TTC39B: variants seen among roughly 807,000 people sequenced by gnomAD.
The protein encoded by TTC39B is tetratricopeptide repeat protein 39B.
In TTC39B, 92 loss-of-function variants were observed where a neutral mutation model predicts 96.6. The observed-to-expected ratio is 0.95, with a 90% CI of 0.80 to 1.13. TTC39B has a LOEUF of 1.13. Among genes scored for constraint, TTC39B ranks in the 50% most tolerant of loss-of-function variants. The pLI, the probability that TTC39B is intolerant of heterozygous loss-of-function variation, is 0.00. For synonymous variants in TTC39B, 367 were observed against 299.4 expected (o/e 1.23, Z -2.33); for missense variants, 955 against 809.3 (o/e 1.18, Z -2.18).
intron 1 of TTC39B, among the ~76,000 whole-genome samples, chr9:15,276,809 G>A (rs931647942): frequency 2.6e-5 from 4 of 152,138 alleles, no homozygotes; most frequent in Non-Finnish European, 4.4e-5. Context: ...GCCGCCCACT[G>A]GGATTGTAAG....
chr9:15,272,393 C>T (rs144669503), intron 1 of TTC39B, among the ~76,000 whole-genome samples: 5 of 152,278 alleles, frequency 3.3e-5, no homozygotes, highest in South Asian at 2.1e-4. Flanking sequence ...AGTTACAACA[C>T]GCACACTCAG....
intron 1 of TTC39B, among the ~76,000 whole-genome samples, chr9:15,301,867 T>C (rs1335717040): frequency 6.6e-6 from 1 of 152,134 alleles, no homozygotes; most frequent in East Asian, 1.9e-4. Flanking sequence ...ATCTAAAAAT[T>C]CCTGGGCCAA....
At chr9:15,211,476 C>A in intron 4 of TTC39B, 79 bp from the exon 5 acceptor site, 24 of 1,186,972 alleles carry the variant, frequency 2.0e-5, no homozygotes, top group Middle Eastern at 2.1e-4. Flanking sequence ...AATGCATGTC[C>A]TGACTTGCAC....
chr9:15,182,437 C>T (rs374778395), intron 16 of TTC39B, 22 bp from the exon 17 acceptor site: 2 of 1,547,784 alleles, frequency 1.3e-6, no homozygotes, highest in South Asian at 1.1e-5. Context: ...AAATGAAAAC[C>T]ATTTGCAGTT....
chr9:15,167,017 TA>T (rs1564299899), exon 20 of TTC39B: 27 of 8,966 alleles, frequency 3.0e-3, no homozygotes, highest in African/African-American at 5.4e-3. Context: ...TATATATATA[TA>T]TATATATATA....
intron 2 of TTC39B, chr9:15,249,273 G>T (rs1027771868): frequency 1.3e-5 from 2 of 152,124 alleles, no homozygotes; most frequent in South Asian, 4.1e-4. Context: ...AAAATACCCA[G>T]CATTGATTCT....
At chr9:15,278,128 T>A (rs1056003899) in intron 1 of TTC39B, among the ~76,000 whole-genome samples, 1 of 152,228 alleles carries the variant, frequency 6.6e-6, no homozygotes, top group Non-Finnish European at 1.5e-5. Context: ...GGGAAAAATG[T>A]TCCTTTTCTG....
intron 15 of TTC39B, 146 bp from the exon 16 acceptor site, chr9:15,185,552 G>T: frequency 7.6e-7 from 1 of 1,308,538 alleles, no homozygotes; most frequent in Non-Finnish European, 1.1e-6. Flanking sequence ...CAATTTTCAG[G>T]CCCTACTCTA....
chr9:15,214,133 A>G lies in TTC39B; in HGVS notation c.482+6T>C. On this transcript the variant is annotated splice_donor_region_variant and intron_variant, in intron 4 of 19. Coordinates refer to ENST00000512701, the Ensembl canonical transcript of TTC39B. ...TATTTTATCTAAAAGAGACAAAGTA[A>G]ATTACCAGGGGCGAAGCAATTCTAA... is the stretch of plus-strand genomic sequence containing the variant. 1 of 1,602,556 alleles carries G rather than the reference A, an allele frequency of 6.2e-7. No individual in the cohort carries two copies.
chr9:15,222,339 C>CG lies in TTC39B; in HGVS notation c.371+3577dup, dbSNP rs1444089736. ...CTTAACCATTTTAAAGCACACAGCTCGGTGGTGTTAAGTATATTCACACAG... is the reference window on the plus strand; with the variant it reads ...CTTAACCATTTTAAAGCACACAGCTCGGGTGGTGTTAAGTATATTCACACAG... On this transcript the variant is annotated intron_variant, in intron 3 of 19. Coordinates refer to ENST00000512701, the Ensembl canonical transcript of TTC39B. 3.3e-5 allele frequency among the ~76,000 whole-genome samples: 5 copies of CG among 152,132 alleles called. No homozygotes were observed. In the East Asian group the frequency reaches 9.6e-4, roughly 29 times the overall value.
In TTC39B at chr9:15,302,539, C is replaced by CAAAAA. The variant is rs145173046; in HGVS notation, c.240+4540_240+4544dup. 4.7e-4 allele frequency among the ~76,000 whole-genome samples: 22 copies of CAAAAA among 46,738 alleles called. 2 individuals are homozygous for CAAAAA. The highest frequency in any genetic ancestry group is 1.2e-3 in the Admixed American group (3 of 2,600). The allele number at this position is 46,738 out of a possible 152,430, so 30.7% of individuals were successfully genotyped here. On this transcript the variant is annotated intron_variant, in intron 1 of 19. Coordinates refer to ENST00000512701, the Ensembl canonical transcript of TTC39B. The stretch of plus-strand genomic sequence containing the variant: ...TGGGTGACAAAGCGAGATTCCGTCT[C>CAAAAA]AAAAAAAAAAAAAAAAAAAAAAAAG...
intron 13 of TTC39B, among the ~76,000 whole-genome samples, chr9:15,188,347 T>C (rs1318176635): frequency 5.3e-5 from 8 of 152,192 alleles, no homozygotes; most frequent in African/African-American, 9.7e-5. Flanking sequence ...CACTTTGTAA[T>C]GTGGGAGTGG....
intron 19 of TTC39B, among the ~76,000 whole-genome samples, chr9:15,173,591 A>G (rs959629693): frequency 6.6e-6 from 1 of 152,026 alleles, no homozygotes; most frequent in African/African-American, 2.4e-5. Context: ...TGTCTTCCTA[A>G]CTCTCTTAAT....
intron 1 of TTC39B, among the ~76,000 whole-genome samples, chr9:15,295,048 A>AG (rs1824322684): frequency 6.6e-6 from 1 of 152,148 alleles, no homozygotes; most frequent in Non-Finnish European, 1.5e-5. Context: ...GTAATTTTCT[A>AG]TTTTTCCTAT....
exon 20 of TTC39B, chr9:15,165,481 A>T (rs989412916): frequency 6.6e-6 from 1 of 152,278 alleles, no homozygotes; most frequent in Non-Finnish European, 1.5e-5. Context: ...TCATACCTTC[A>T]AATTGATTAA....
chr9:15,233,724 C>T (rs927745253), intron 2 of TTC39B, among the ~76,000 whole-genome samples: 19 of 152,312 alleles, frequency 1.2e-4, no homozygotes, highest in Non-Finnish European at 2.5e-4. Context: ...ACCTCCCAGC[C>T]GCCTGCCTTG....
At chr9:15,195,670 C>CAAAAAAA (rs35318510) in intron 8 of TTC39B, among the ~76,000 whole-genome samples, 2 of 66,316 alleles carry the variant, frequency 3.0e-5, no homozygotes, top group Non-Finnish European at 5.5e-5. Flanking sequence ...ACTCCATCTC[C>CAAAAAAA]AAAAAAAAAA....
At chr9:15,225,891 C>G in intron 3 of TTC39B, 26 bp downstream of exon 3, 5 of 1,605,796 alleles carry the variant, frequency 3.1e-6, no homozygotes, top group Non-Finnish European at 4.3e-6. Context: ...CCTCTTCCCC[C>G]AGGAATGCCC....
At chr9:15,279,571 T>C (rs985384096) in intron 1 of TTC39B, among the ~76,000 whole-genome samples, 1 of 152,174 alleles carries the variant, frequency 6.6e-6, no homozygotes, top group East Asian at 1.9e-4. Flanking sequence ...CAGCTGTCCA[T>C]AGATTAATGT....
Sources: gnomAD v4.1 joint callset for allele counts (sites outside exome capture counted in the v4.1 genomes callset) on GRCh38, gnomAD v4.1.1 for gene constraint, MANE v1.5 for transcripts, NCBI Gene and HGNC (gene_info 2026-07-23, HGNC 2026-07-21) for gene names.